The following BNIP3 variants were observed in gnomAD, a reference collection of about 807,000 sequenced individuals.
BNIP3 encodes BCL2 interacting protein 3.
Under a neutral mutation model 23.9 loss-of-function variants are expected in BNIP3, and 16 were observed. The ratio of observed to expected loss-of-function variants is 0.67; its 90% CI spans 0.45 to 1.01. The LOEUF (loss-of-function observed/expected upper bound fraction) is 1.01, where lower values mean the gene tolerates loss of function less well. Ranked by LOEUF, BNIP3 falls within the 50% of genes least tolerant of loss-of-function variation. BNIP3 has a pLI of 0.00. For missense variants in BNIP3, 198 were observed against 248.7 expected (o/e 0.80, Z 1.37); for synonymous variants, 81 against 89.3 (o/e 0.91, Z 0.53).
At position 131,973,109 on chromosome 10, in the gene BNIP3, G is replaced by C. The variant is rs1360317176; in HGVS notation, c.207C>G (p.Arg69=). ...TGTTGGTATCTTGTGGTGTCTGCGA[G>C]CGAGGTGGGCTTGGCGATGTGAATA... The part of the protein sequence containing the change: ...SKSSHCDSPP[R]SQTPQDTNRA... The change falls in exon 3 of 6, where the codon CGC becomes CGG. Residue 69 remains arginine, a synonymous_variant. Transcript: ENST00000368636. The C allele has an allele frequency of 1.2e-6, 2 of 1,613,712 alleles. No homozygotes were observed. Among genetic ancestry groups the C allele is most frequent in the Non-Finnish European group, 8.5e-7 (1 of 1,179,622 alleles).
Position 131,976,212 on chromosome 10 carries a change from T to G in BNIP3, c.47-2269A>C, listed in dbSNP as rs192828857. 5.1e-4 allele frequency among the ~76,000 whole-genome samples: 77 copies of G among 152,360 alleles called. No homozygotes were observed. The highest frequency in any genetic ancestry group is 9.7e-4 in the Non-Finnish European group (66 of 68,028). On this transcript the variant is annotated intron_variant, in intron 1 of 5. Transcript: ENST00000368636. This position sits in a 1 kb window ranked among gnomAD's most constrained non-coding sequence, Gnocchi z 4.3. ...GCTTCAATTTACTTGACTAAAGTGT[T>G]GTTCAGCTATCTGACGATATGGAAC...
Position 131,973,960 on chromosome 10 carries a change from A to C in BNIP3, c.47-17T>G, listed in dbSNP as rs2037061548. 1 of 1,613,288 alleles carries C rather than the reference A, an allele frequency of 6.2e-7. No individual in the cohort carries two copies. The highest frequency in any genetic ancestry group is 1.3e-5 in the African/African-American group (1 of 74,898). On this transcript the variant is annotated splice_polypyrimidine_tract_variant and intron_variant, in intron 1 of 5. Transcript: ENST00000368636. ...CCCAGGAGCCTGATGGGGACAAAAA[A>C]AGGGGCGCAGATGGAATTCTCTACC...
Position 131,973,917 on chromosome 10 carries a change from T to C in BNIP3, c.73A>G (p.Asn25Asp). The change falls in exon 2 of 6, where the codon AAT (asparagine) becomes GAT (aspartate). Residue 25 changes from asparagine (N) to aspartate (D), a missense_variant. Physicochemically the swap from Asn to Asp is conservative, Grantham distance 23. Coordinates refer to ENST00000368636, the MANE Select transcript of BNIP3 (RefSeq NM_004052.4). ...GGAACGCTGCCCCCGTTCCCATTAT[T>C]GCTGAAGTGCAGTTCTACCCAGGAG... is the stretch of plus-strand genomic sequence containing the variant. ...QGSWVELHFS[N>D]NGNGGSVPAS... is the part of the protein sequence containing the mutation. The C allele has an allele frequency of 6.2e-7, 1 of 1,613,924 alleles. No homozygotes were observed. Among genetic ancestry groups the C allele is most frequent in the Non-Finnish European group, 8.5e-7 (1 of 1,180,036 alleles).
Position 131,970,954 on chromosome 10 carries a change from A to G in BNIP3, c.299T>C (p.Ile100Thr), listed in dbSNP as rs772356376. 33 of 1,613,940 alleles carry G rather than the reference A, an allele frequency of 2.0e-5. No homozygotes were observed. The highest frequency in any genetic ancestry group is 3.3e-4 in the Middle Eastern group (2 of 6,084). The stretch of plus-strand genomic sequence containing the variant: ...GCTTTCAACTTCTTTCCTTCTTTCA[A>G]TATCATCTTCCTCAGACTAAGATAA... ...KNSSQSEEDD[I>T]ERRKEVESIL... is the part of the protein sequence containing the mutation. Residue 100 changes from isoleucine to threonine, a missense_variant, in exon 4 of 6, where the codon ATT (isoleucine) becomes ACT (threonine). Coordinates refer to ENST00000368636, the MANE Select transcript of BNIP3 (RefSeq NM_004052.4). This position sits in a 1 kb window ranked among gnomAD's most constrained non-coding sequence, Gnocchi z 4.1.
chr10:131,971,170 C>G, intron 3 of BNIP3, 200 bp from the exon 4 acceptor site: 1 of 581,410 alleles, frequency 1.7e-6, no homozygotes, highest in Non-Finnish European at 3.1e-6. Context: ...GCTCACAGCA[C>G]GCTCGCCGCC....
In BNIP3 at chr10:131,970,439, G is replaced by C. The variant is rs967800684; in HGVS notation, c.539+199C>G. On this transcript the variant is annotated intron_variant, in intron 5 of 5. Coordinates refer to ENST00000368636, the MANE Select transcript of BNIP3 (RefSeq NM_004052.4). This position sits in a 1 kb window ranked among gnomAD's most constrained non-coding sequence, Gnocchi z 4.1. ...CGTCAGGCCAGACAGCAGCACCACAGGGCGCCTGTGCTGGGGCCTTTGGGG... is the reference window on the plus strand; with the variant it reads ...CGTCAGGCCAGACAGCAGCACCACACGGCGCCTGTGCTGGGGCCTTTGGGG... The C allele has an allele frequency of 8.5e-6, 6 of 710,024 alleles. No homozygotes were observed. In the African/African-American group the frequency reaches 8.9e-5, roughly 11 times the overall value. The allele number at this position is 710,024 out of a possible 1,614,324, so 44.0% of individuals were successfully genotyped here. A position where few individuals can be genotyped will look rare whatever the true frequency, so the allele number is the denominator to read the frequency against.
intron 2 of BNIP3, 37 bp downstream of exon 2, chr10:131,973,756 G>A (rs757493029): frequency 9.3e-6 from 15 of 1,606,310 alleles, no homozygotes; most frequent in African/African-American, 5.4e-5. Context: ...TGAAGACATC[G>A]GCACTGTAAC....
rs1339050712 is a variant in BNIP3 at position 131,968,575 on chromosome 10, C to T, written c.540-6G>A. 1.9e-6 allele frequency: 3 copies of T among 1,594,706 alleles called. No individual in the cohort carries two copies. Among genetic ancestry groups the T allele is most frequent in the African/African-American group, 2.7e-5 (2 of 74,568 alleles). On this transcript the variant is annotated splice_polypyrimidine_tract_variant and splice_region_variant and intron_variant, in intron 5 of 5. Transcript: ENST00000368636. ...GACGCCTTCCAATATAGATCCTTCA[C>T]AGAAAAATTATCAGTAGTTAATGTA...
At chr10:131,972,963 C>T (rs1410029993) in intron 3 of BNIP3, 71 bp downstream of exon 3, 1 of 1,476,034 alleles carries the variant, frequency 6.8e-7, no homozygotes, top group African/African-American at 1.4e-5. Flanking sequence ...TGCTCAATTA[C>T]ATTTAAAACC....
intron 1 of BNIP3, among the ~76,000 whole-genome samples, chr10:131,978,618 A>G (rs1199139667): frequency 6.6e-6 from 1 of 152,158 alleles, no homozygotes; most frequent in Non-Finnish European, 1.5e-5. Context: ...TGGGGTGACA[A>G]CCTCAACTCT....
At chr10:131,971,371 A>G in intron 3 of BNIP3, 1 of 245,934 alleles carries the variant, frequency 4.1e-6, no homozygotes, top group South Asian at 5.4e-5. Flanking sequence ...GGCTCAAAAC[A>G]GGGACATGAC....
At chr10:131,981,446 G>T (rs1245732519) in intron 1 of BNIP3, 1 of 399,528 alleles carries the variant, frequency 2.5e-6, no homozygotes, top group Non-Finnish European at 4.5e-6. Flanking sequence ...GCGAGACGCA[G>T]ATTCACCTCC....
At chr10:131,981,711 G>A in intron 1 of BNIP3, 50 bp downstream of exon 1, 2 of 1,456,694 alleles carry the variant, frequency 1.4e-6, no homozygotes, top group South Asian at 1.3e-5. Context: ...GCCTTCCCCA[G>A]GCTTCCCCCC....
chr10:131,968,669 A>G, intron 5 of BNIP3, 100 bp from the exon 6 acceptor site: 1 of 1,024,482 alleles, frequency 9.8e-7, no homozygotes, highest in Non-Finnish European at 1.5e-6. Flanking sequence ...AGCTTATGCA[A>G]GGGGACTGGT....
Position 131,973,833 on chromosome 10 carries a change from C to T in BNIP3, c.157G>A (p.Glu53Lys), listed in dbSNP as rs1272238363. 1.2e-6 allele frequency: 2 copies of T among 1,612,468 alleles called. No homozygotes were observed. Among genetic ancestry groups the T allele is most frequent in the African/African-American group, 1.3e-5 (1 of 74,888 alleles). The change falls in exon 2 of 6, where the codon GAG (glutamate) becomes AAG (lysine). Residue 53 changes from glutamate to lysine, a missense_variant. By Grantham distance (56) the Glu-to-Lys change is moderately conservative. Coordinates refer to ENST00000368636, the MANE Select transcript of BNIP3 (RefSeq NM_004052.4). ...MEKILLDAQHESGRSSSKSSH... is the reference protein window; with the variant it reads ...MEKILLDAQHKSGRSSSKSSH... ...CTCTTGGAGCTACTCCGTCCAGACT[C>T]ATGCTGTGCGTCCAGCAGTATTTTT...
intron 1 of BNIP3, among the ~76,000 whole-genome samples, chr10:131,974,254 A>G (rs1266259245): frequency 1.3e-5 from 2 of 152,256 alleles, no homozygotes; most frequent in Non-Finnish European, 1.5e-5. Flanking sequence ...TCCAATTAGA[A>G]TACTTCCTTG....
intron 3 of BNIP3, among the ~76,000 whole-genome samples, chr10:131,972,095 C>A (rs760488007): frequency 1.3e-5 from 2 of 152,218 alleles, no homozygotes; most frequent in Non-Finnish European, 2.9e-5. Context: ...CTGAGCAAGA[C>A]AGTACTGATC....
intron 3 of BNIP3, among the ~76,000 whole-genome samples, chr10:131,972,589 C>T (rs998518605): frequency 6.6e-6 from 1 of 152,142 alleles, no homozygotes; most frequent in African/African-American, 2.4e-5. Flanking sequence ...TAGATGGCCC[C>T]GTGGGTAACT....
At chr10:131,979,751 C>A (rs1219542265) in intron 1 of BNIP3, among the ~76,000 whole-genome samples, 1 of 152,220 alleles carries the variant, frequency 6.6e-6, no homozygotes, top group African/African-American at 2.4e-5. Flanking sequence ...TAGAAAGGAA[C>A]AGAATCAGCC....
Sources: gnomAD v4.1 joint callset for allele counts (sites outside exome capture counted in the v4.1 genomes callset) on GRCh38, gnomAD v4.1.1 for gene constraint, Gnocchi (gnomAD v3.1) non-coding constraint, MANE v1.5 for transcripts, NCBI Gene and HGNC (gene_info 2026-07-23, HGNC 2026-07-21) for gene names.